The following CATSPERT variants were observed in gnomAD, a reference collection of about 807,000 sequenced individuals.
CATSPERT encodes catsper channel auxiliary subunit tau, also known as cation channel sperm-associated targeting subunit tau.
chr2:201,520,411 T>C, the CATSPERT span, among the ~76,000 whole-genome samples: 193 of 152,354 alleles, frequency 1.3e-3, no homozygotes, highest in Non-Finnish European at 2.1e-3. Context: ...AATGACCATA[T>C]GTTAGGACAC....
chr2:201,578,058 T>C, the CATSPERT span, among the ~76,000 whole-genome samples: 1 of 152,286 alleles, frequency 6.6e-6, no homozygotes, highest in African/African-American at 2.4e-5. Flanking sequence ...TACACCCATA[T>C]GGAATTGTAT....
chr2:201,599,821 GT>G, the CATSPERT span, among the ~76,000 whole-genome samples: 1 of 152,134 alleles, frequency 6.6e-6, no homozygotes, highest in Non-Finnish European at 1.5e-5. Flanking sequence ...AAGTATTAAT[GT>G]TTCAAATTTT....
At chr2:201,579,720 C>T in the CATSPERT span, among the ~76,000 whole-genome samples, 1 of 151,890 alleles carries the variant, frequency 6.6e-6, no homozygotes, top group Non-Finnish European at 1.5e-5. Context: ...AAAGAATCTA[C>T]ACTGGTATGT....
the CATSPERT span, among the ~76,000 whole-genome samples, chr2:201,595,588 A>C: frequency 6.6e-6 from 1 of 152,068 alleles, no homozygotes; most frequent in Non-Finnish European, 1.5e-5. Context: ...AGTGCCTCCC[A>C]GTTAGGCTGC....
chr2:201,519,351 A>G, the CATSPERT span, among the ~76,000 whole-genome samples: 1 of 152,116 alleles, frequency 6.6e-6, no homozygotes, highest in Non-Finnish European at 1.5e-5. Flanking sequence ...ACCAACACCC[A>G]AGACCCATCT....
At chr2:201,491,598 A>G in the CATSPERT span, 1 of 1,537,124 alleles carries the variant, frequency 6.5e-7, no homozygotes, top group Non-Finnish European at 8.7e-7. Context: ...CTGTATTGAA[A>G]TGAGTTAAAG....
the CATSPERT span, among the ~76,000 whole-genome samples, chr2:201,581,510 ATATATATATATAT>A: frequency 7.2e-5 from 7 of 97,594 alleles, 1 homozygote; most frequent in Non-Finnish European, 1.2e-4. Flanking sequence ...ATATATATAT[ATATATATATATAT>A]AAAATATTCT....
the CATSPERT span, among the ~76,000 whole-genome samples, chr2:201,526,781 A>G: frequency 1.3e-5 from 2 of 152,228 alleles, no homozygotes; most frequent in South Asian, 2.1e-4. Context: ...ATTAAGAGCC[A>G]TGTATGACAA....
the CATSPERT span, among the ~76,000 whole-genome samples, chr2:201,499,247 G>A: frequency 6.6e-6 from 1 of 152,180 alleles, no homozygotes; most frequent in East Asian, 1.9e-4. Flanking sequence ...AAATGTAGGA[G>A]GAGGGTGACC....
the CATSPERT span, among the ~76,000 whole-genome samples, chr2:201,571,376 C>A: frequency 6.6e-6 from 1 of 152,102 alleles, no homozygotes; most frequent in Non-Finnish European, 1.5e-5. Flanking sequence ...TAGATTAAAT[C>A]TCTTTCTCAG....
At chr2:201,509,665 G>A in the CATSPERT span, among the ~76,000 whole-genome samples, 1 of 150,986 alleles carries the variant, frequency 6.6e-6, no homozygotes, top group Admixed American at 6.6e-5. Context: ...AGTAAATTAT[G>A]TGATTAAAAA....
chr2:201,562,332 C>A, the CATSPERT span, among the ~76,000 whole-genome samples: 71 of 151,374 alleles, frequency 4.7e-4, no homozygotes, highest in East Asian at 0.013. Flanking sequence ...GGACTACAGG[C>A]GCCCACCACC....
At chr2:201,510,610 A>T in the CATSPERT span, among the ~76,000 whole-genome samples, 1 of 152,328 alleles carries the variant, frequency 6.6e-6, no homozygotes, top group East Asian at 1.9e-4. Context: ...ATGCTGACAG[A>T]CAAGAATAAG....
chr2:201,598,173 C>T, the CATSPERT span, among the ~76,000 whole-genome samples: 2 of 152,172 alleles, frequency 1.3e-5, no homozygotes, highest in African/African-American at 2.4e-5. Context: ...AGGATCATGG[C>T]TCACTGCAGC....
the CATSPERT span, among the ~76,000 whole-genome samples, chr2:201,538,456 C>T: frequency 1.7e-4 from 26 of 152,170 alleles, no homozygotes; most frequent in African/African-American, 4.6e-4. Context: ...GGCAACCTTG[C>T]GTTGAGCAAG....
chr2:201,494,556 AGGGTCATGG>A, the CATSPERT span: 1 of 1,537,066 alleles, frequency 6.5e-7, no homozygotes. Flanking sequence ...TGAAGATATT[AGGGTCATGG>A]GCCCAGGTTG....
At chr2:201,545,647 A>AAAAAAAG in the CATSPERT span, 12 of 834,060 alleles carry the variant, frequency 1.4e-5, no homozygotes, top group African/African-American at 1.1e-4. Context: ...AAAAAAAAAA[A>AAAAAAAG]AAAAAAGAAA....
chr2:201,489,380 C>T, the CATSPERT span, among the ~76,000 whole-genome samples: 1 of 152,098 alleles, frequency 6.6e-6, no homozygotes, highest in East Asian at 1.9e-4. Flanking sequence ...CCATCTTCTA[C>T]CTTTTTTCCG....
chr2:201,536,117 C>G, the CATSPERT span: 1 of 1,613,420 alleles, frequency 6.2e-7, no homozygotes, highest in Admixed American at 1.7e-5. Flanking sequence ...TTCTGTCTGG[C>G]ATGCTTTCTG....
Sources: gnomAD v4.1 joint callset for allele counts (sites outside exome capture counted in the v4.1 genomes callset) on GRCh38, gnomAD v4.1.1 for gene constraint, MANE v1.5 for transcripts, NCBI Gene and HGNC (gene_info 2026-07-23, HGNC 2026-07-21) for gene names.